Variants in HNF4A observed in about 807,000 individuals in gnomAD.
The protein encoded by HNF4A is hepatocyte nuclear factor 4 alpha, also known as hepatocyte nuclear factor 4-alpha.
Under a neutral mutation model 52.4 loss-of-function variants are expected in HNF4A, and 15 were observed. That is an observed-to-expected ratio of 0.29 (90% CI 0.19 to 0.44). HNF4A has a LOEUF of 0.44. HNF4A is among the 20% of genes least tolerant of loss of function. HNF4A has a pLI of 1.00. For synonymous variants in HNF4A, 280 were observed against 264.4 expected (o/e 1.06, Z -0.57); for missense variants, 479 against 647.2 (o/e 0.74, Z 2.82).
chr20:44,355,995 A>G, intron 1 of HNF4A, 142 bp downstream of exon 1: 1 of 715,670 alleles, frequency 1.4e-6, no homozygotes, highest in Non-Finnish European at 2.3e-6. Context: ...CCACGGAGGC[A>G]ATGTGACCGC....
intron 3 of HNF4A, among the ~76,000 whole-genome samples, chr20:44,410,633 G>T (rs1013384091): frequency 2.6e-5 from 4 of 152,072 alleles, no homozygotes; most frequent in Non-Finnish European, 4.4e-5. Context: ...CCCTAAAATA[G>T]TCCCTGAGAA....
At chr20:44,379,284 C>CTACTTTTG (rs2063123347) in intron 1 of HNF4A, among the ~76,000 whole-genome samples, 1 of 152,096 alleles carries the variant, frequency 6.6e-6, no homozygotes, top group Admixed American at 6.5e-5. Flanking sequence ...CTTCCAGATG[C>CTACTTTTG]TACTTTTGGT....
intron 3 of HNF4A, among the ~76,000 whole-genome samples, chr20:44,412,515 G>T (rs762401112): frequency 6.6e-6 from 1 of 152,116 alleles, no homozygotes; most frequent in Non-Finnish European, 1.5e-5. Context: ...GGGGGAAGCC[G>T]GTAAAAGGTG....
upstream of HNF4A, among the ~76,000 whole-genome samples, chr20:44,396,454 G>A (rs900643337): frequency 6.6e-6 from 1 of 152,114 alleles, no homozygotes; most frequent in African/African-American, 2.4e-5. Flanking sequence ...GTTGCCCAGG[G>A]CAATCCCTTC....
chr20:44,402,489 A>G, intron 1 of HNF4A: 1 of 1,130,176 alleles, frequency 8.8e-7, no homozygotes, highest in Non-Finnish European at 1.2e-6. Flanking sequence ...CAAATGCAGG[A>G]CTCTGTTGTT....
chr20:44,363,942 G>T (rs889692124), intron 1 of HNF4A, among the ~76,000 whole-genome samples: 1 of 151,868 alleles, frequency 6.6e-6, no homozygotes, highest in South Asian at 2.1e-4. Flanking sequence ...CTCCCACCTC[G>T]GCCTCCCAAA....
At chr20:44,393,323 A>C (rs1020382700) in intron 1 of HNF4A, among the ~76,000 whole-genome samples, 25 of 152,208 alleles carry the variant, frequency 1.6e-4, no homozygotes, top group Non-Finnish European at 3.7e-4. Context: ...GAGAAGCTCC[A>C]CCCACACAGA....
At chr20:44,423,635 T>C (rs2146465686) in intron 7 of HNF4A, among the ~76,000 whole-genome samples, 1 of 152,336 alleles carries the variant, frequency 6.6e-6, no homozygotes, top group South Asian at 2.1e-4. Context: ...AAACCCCAAG[T>C]TCCCATTGTG....
chr20:44,393,587 C>T (rs1393053791), intron 1 of HNF4A, among the ~76,000 whole-genome samples: 2 of 152,238 alleles, frequency 1.3e-5, no homozygotes, highest in Non-Finnish European at 2.9e-5. Context: ...GGCTCAACCT[C>T]CCTGTGCCTC....
Position 44,413,766 on chromosome 20 carries a change from A to G in HNF4A, c.458A>G (p.Asn153Ser), listed in dbSNP as rs1423266814. 6.2e-7 allele frequency: 1 copy of G among 1,613,738 alleles called. No individual in the cohort carries two copies. The highest frequency in any genetic ancestry group is 2.2e-5 in the East Asian group (1 of 44,856). Reference sequence around the variant, plus strand: ...GAGGACAGCAGCCTGCCCTCCATCAATGCGCTCCTGCAGGCGGAGGTCCTG... The same window carrying G: ...GAGGACAGCAGCCTGCCCTCCATCAGTGCGCTCCTGCAGGCGGAGGTCCTG... Residue 153 changes from asparagine (N) to serine (S), a missense_variant, in exon 4 of 10, where the codon AAT becomes AGT. By Grantham distance (46) the Asn-to-Ser change is conservative (BLOSUM62 1). This residue lies in a region of HNF4A where 389 missense variants were observed against 525.1 expected (regional missense o/e 0.74). Coordinates refer to ENST00000316099, the MANE Select transcript of HNF4A (RefSeq NM_000457.6).
intron 7 of HNF4A, among the ~76,000 whole-genome samples, chr20:44,420,201 G>A (rs909384940): frequency 1.3e-5 from 2 of 151,986 alleles, no homozygotes; most frequent in Non-Finnish European, 2.9e-5. Flanking sequence ...GCATGGTGGT[G>A]CACGCCTGTA....
chr20:44,360,578 T>C (rs80276513), intron 1 of HNF4A, among the ~76,000 whole-genome samples: 2 of 151,876 alleles, frequency 1.3e-5, no homozygotes, highest in Non-Finnish European at 2.9e-5. Flanking sequence ...GATGAATGGA[T>C]GGATAAGAAG....
At chr20:44,422,328 G>A (rs1201634596) in intron 7 of HNF4A, among the ~76,000 whole-genome samples, 3 of 152,302 alleles carry the variant, frequency 2.0e-5, no homozygotes, top group East Asian at 3.9e-4. Flanking sequence ...CTGAGTCAGA[G>A]GCAGCAGCCT....
chr20:44,414,654 G>T lies in HNF4A; in HGVS notation c.640G>T (p.Asp214Tyr). 1 of 1,605,974 alleles carries T rather than the reference G, an allele frequency of 6.2e-7. No homozygotes were observed. Among genetic ancestry groups the T allele is most frequent in the Non-Finnish European group, 8.5e-7 (1 of 1,176,144 alleles). The change falls in exon 5 of 10, where the codon GAC (aspartate) becomes TAC (tyrosine). Residue 214 changes from aspartate to tyrosine, a missense_variant. Physicochemically the swap from Asp to Tyr is radical, Grantham distance 160. Around this residue, in one of 3 missense-constraint regions of HNF4A, gnomAD observed 389 missense variants for 525.1 expected, o/e 0.74. Coordinates refer to ENST00000316099, the MANE Select transcript of HNF4A (RefSeq NM_000457.6). The stretch of plus-strand genomic sequence containing the variant: ...CCCAGCTTTCTGCGAGCTCCCCCTG[G>T]ACGACCAGGTGAGGATGGGCGTGGA...
Position 44,401,313 on chromosome 20 carries a change from G to A in HNF4A, c.-60G>A. 6.2e-7 allele frequency: 1 copy of A among 1,611,506 alleles called. No homozygotes were observed. Among genetic ancestry groups the A allele is most frequent in the Non-Finnish European group, 8.5e-7 (1 of 1,179,434 alleles). ...GGAGGCAGTGGGAGGGCGGAGGGCG[G>A]GGGCCTTCGGGGTGGGCGCCCAGGG... On this transcript the variant is annotated 5_prime_UTR_variant, in exon 1 of 10. Transcript: ENST00000316099.
rs753361755 is a variant in HNF4A at position 44,406,104 on chromosome 20, G to T, written c.162G>T (p.Leu54=). ...CCAACCTCAACGCGCCCAACAGCCTGGGTGTCAGCGCCCTGTGTGCCATCT... is the reference window on the plus strand; with the variant it reads ...CCAACCTCAACGCGCCCAACAGCCTTGGTGTCAGCGCCCTGTGTGCCATCT... Residue 54 remains leucine (L), a synonymous_variant, in exon 2 of 10, where the codon CTG becomes CTT. Transcript: ENST00000316099. 6.2e-7 allele frequency: 1 copy of T among 1,613,502 alleles called. No homozygotes were observed. The highest frequency in any genetic ancestry group is 1.1e-5 in the South Asian group (1 of 91,052).
At chr20:44,433,465 G>C (rs2063899595), downstream of HNF4A, 1 of 152,678 alleles carries the variant, frequency 6.5e-6, no homozygotes, top group Non-Finnish European at 1.5e-5. Flanking sequence ...AGGATCACTT[G>C]AGCTCAGGAG....
exon 1 of HNF4A, chr20:44,355,757 GC>G: frequency 6.3e-7 from 1 of 1,587,700 alleles, no homozygotes. Context: ...CTGTGAGCGG[GC>G]CCCTGCTCCT....
intron 9 of HNF4A, 60 bp downstream of exon 9, chr20:44,428,547 C>A: frequency 6.5e-7 from 1 of 1,534,574 alleles, no homozygotes; most frequent in Non-Finnish European, 8.9e-7. Flanking sequence ...AGACAGGAGG[C>A]AGGAGAAAGT....
Sources: gnomAD v4.1 joint callset for allele counts (sites outside exome capture counted in the v4.1 genomes callset) on GRCh38, gnomAD v4.1.1 for gene constraint, gnomAD v4.1.1 regional missense constraint, MANE v1.5 for transcripts, NCBI Gene and HGNC (gene_info 2026-07-23, HGNC 2026-07-21) for gene names.